The following IFNAR2 variants were observed in gnomAD, a reference collection of about 807,000 sequenced individuals.
The protein encoded by IFNAR2 is interferon alpha and beta receptor subunit 2, also known as interferon alpha/beta receptor 2.
In IFNAR2, 30 loss-of-function variants were observed where a neutral mutation model predicts 49.4. The observed-to-expected ratio is 0.61, with a 90% CI of 0.45 to 0.82. IFNAR2 has a LOEUF of 0.82. Ranked by LOEUF, IFNAR2 falls within the 40% of genes least tolerant of loss-of-function variation. The probability of loss-of-function intolerance (pLI) is 0.00; values close to 1 mark genes in which losing one functional copy is unlikely to be tolerated. For synonymous variants in IFNAR2, 224 were observed against 234.5 expected (o/e 0.96, Z 0.41); for missense variants, 600 against 622.7 (o/e 0.96, Z 0.39).
intron 8 of IFNAR2, chr21:33,262,461 T>C (rs1988668222): frequency 1.6e-6 from 1 of 624,362 alleles, no homozygotes; most frequent in Non-Finnish European, 2.9e-6. Context: ...ATGCCCAGCA[T>C]ATAGTAAGCA....
chr21:33,236,819 TAGG>T, intron 1 of IFNAR2: 2 of 984,172 alleles, frequency 2.0e-6, no homozygotes, highest in Non-Finnish European at 2.4e-6. Context: ...AAGCCAAGTG[TAGG>T]ATCCTTCTAG....
chr21:33,231,701 C>G (rs1307890362), intron 1 of IFNAR2: 2 of 983,972 alleles, frequency 2.0e-6, no homozygotes, highest in Non-Finnish European at 2.4e-6. Flanking sequence ...TATGTATCAT[C>G]TTCCGTTATC....
At chr21:33,236,745 A>T in intron 1 of IFNAR2, 2 of 985,182 alleles carry the variant, frequency 2.0e-6, no homozygotes, top group African/African-American at 3.5e-5. Context: ...TGGGGCTCCT[A>T]GCACAAAACT....
At chr21:33,233,508 A>G (rs1986212672) in intron 1 of IFNAR2, among the ~76,000 whole-genome samples, 1 of 152,224 alleles carries the variant, frequency 6.6e-6, no homozygotes, top group African/African-American at 2.4e-5. Context: ...ATTTAAATTC[A>G]AAGAAAAAGA....
At position 33,263,260 on chromosome 21, in the gene IFNAR2, T is replaced by C; in HGVS notation, c.1308T>C (p.Asp436=). The change falls in exon 9 of 9, where the codon GAT becomes GAC. Residue 436 remains aspartate, a synonymous_variant. Transcript: ENST00000342136. ...ACTCTGTGTTTTTGAGAGTTCTTGA[T>C]GACGAGGACAGTGACGACTTAGAAG... The part of the protein sequence containing the change: ...DLNSVFLRVL[D]DEDSDDLEAP... The C allele has an allele frequency of 6.2e-7, 1 of 1,614,212 alleles. No homozygotes were observed. The highest frequency in any genetic ancestry group is 8.5e-7 in the Non-Finnish European group (1 of 1,180,034).
intron 7 of IFNAR2, among the ~76,000 whole-genome samples, chr21:33,255,147 C>T (rs915312819): frequency 3.3e-5 from 5 of 152,216 alleles, no homozygotes; most frequent in African/African-American, 1.2e-4. Context: ...TACAGGCAAA[C>T]TTAAAACTGC....
chr21:33,253,782 G>A (rs1255727401), intron 7 of IFNAR2, among the ~76,000 whole-genome samples: 1 of 152,170 alleles, frequency 6.6e-6, no homozygotes, highest in African/African-American at 2.4e-5. Flanking sequence ...TCCTCACATT[G>A]CCATGGCATT....
At chr21:33,262,195 T>G (rs1988620359) in intron 8 of IFNAR2, among the ~76,000 whole-genome samples, 1 of 151,926 alleles carries the variant, frequency 6.6e-6, no homozygotes, top group Admixed American at 6.6e-5. Flanking sequence ...TGAAACCCCT[T>G]CTCTACTAAA....
intron 6 of IFNAR2, chr21:33,251,669 A>G (rs905211537): frequency 2.0e-6 from 2 of 985,094 alleles, no homozygotes; most frequent in Admixed American, 6.1e-5. Flanking sequence ...AACTGCTAGT[A>G]AGAATGTATT....
At chr21:33,248,288 C>T (rs1341420563) in intron 5 of IFNAR2, among the ~76,000 whole-genome samples, 1 of 145,004 alleles carries the variant, frequency 6.9e-6, no homozygotes, top group Non-Finnish European at 1.5e-5. Context: ...CAGTGTATCA[C>T]TTGAGCTCAG....
At chr21:33,239,054 G>A (rs1397973924) in intron 1 of IFNAR2, among the ~76,000 whole-genome samples, 2 of 152,200 alleles carry the variant, frequency 1.3e-5, no homozygotes, top group Non-Finnish European at 2.9e-5. Context: ...AGGTGGTTAT[G>A]TAAATTGGTA....
Position 33,260,616 on chromosome 21 carries a change from A to C in IFNAR2, c.729A>C (p.Lys243Asn), listed in dbSNP as rs1988499752. 1.9e-6 allele frequency: 3 copies of C among 1,583,892 alleles called. No homozygotes were observed. The East Asian group carries it at 6.8e-5, about 36-fold the overall frequency. Residue 243 changes from lysine to asparagine, a missense_variant, in exon 8 of 9, where the codon AAA becomes AAC. Coordinates refer to ENST00000342136, the MANE Select transcript of IFNAR2 (RefSeq NM_001289125.3). ...CAACAGAATCAGCAGAATCTGCCAA[A>C]ATAGGAGGAATAATTACTGTGTTTT... The part of the protein sequence containing the change: ...GQESESAESA[K>N]IGGIITVFLI...
At chr21:33,242,761 GTGTGTGTGTGT>G (rs1987060422) in intron 2 of IFNAR2, among the ~76,000 whole-genome samples, 1 of 710 alleles carries the variant, frequency 1.4e-3, no homozygotes, top group Non-Finnish European at 3.3e-3. Context: ...TCGTGTGCGT[GTGTGTGTGTGT>G]GTGTGTGTGT....
At chr21:33,245,168 C>T in intron 4 of IFNAR2, 94 bp downstream of exon 4, 3 of 948,412 alleles carry the variant, frequency 3.2e-6, no homozygotes, top group Admixed American at 2.0e-5. Flanking sequence ...CTCTCCCTCT[C>T]CCTTTTCCTA....
chr21:33,262,492 A>G (rs149403683), intron 8 of IFNAR2: 7 of 666,334 alleles, frequency 1.1e-5, no homozygotes, highest in South Asian at 3.3e-5. Context: ...GTTAGCTGTT[A>G]TTATTGCTGT....
At chr21:33,246,678 A>G (rs762347011) in intron 4 of IFNAR2, 40 bp from the exon 5 acceptor site, 3 of 1,557,772 alleles carry the variant, frequency 1.9e-6, no homozygotes, top group South Asian at 1.2e-5. Context: ...CATTACATCA[A>G]TGCTAACAAT....
At chr21:33,239,650 G>A (rs568365641) in intron 1 of IFNAR2, among the ~76,000 whole-genome samples, 6 of 149,456 alleles carry the variant, frequency 4.0e-5, no homozygotes, top group Non-Finnish European at 8.9e-5. Context: ...GTGAGCTACA[G>A]CTCTCAATGT....
Position 33,265,438 on chromosome 21 carries a change from C to T in IFNAR2, c.*1938C>T, listed in dbSNP as rs1988895198. On this transcript the variant is annotated 3_prime_UTR_variant, in exon 9 of 9. Coordinates refer to ENST00000342136, the MANE Select transcript of IFNAR2 (RefSeq NM_001289125.3). Reference sequence around the variant, plus strand: ...TAAGGATGAGGCTGTGAGGAGGGAACACCTTATTTAATCTAATGAAATTCC... The same window carrying T: ...TAAGGATGAGGCTGTGAGGAGGGAATACCTTATTTAATCTAATGAAATTCC... 1.3e-5 allele frequency: 2 copies of T among 153,756 alleles called. No individual in the cohort carries two copies. Among genetic ancestry groups the T allele is most frequent in the Non-Finnish European group, 2.9e-5 (2 of 68,820 alleles). 9.5% of individuals were successfully genotyped at this position (153,756 alleles called of 1,614,324 possible).
In IFNAR2 at chr21:33,248,880, A is replaced by T. The variant is rs771428020; in HGVS notation, c.540+26A>T. ...GTAAGTGGCTTCTCCTGTTAGGATC[A>T]AAACAGTTCTGAGTGGGCAATCAAT... On this transcript the variant is annotated intron_variant, in intron 6 of 8. Transcript: ENST00000342136. The T allele has an allele frequency of 2.5e-5, 38 of 1,540,242 alleles. No individual in the cohort carries two copies. In the East Asian group the frequency reaches 8.4e-4, roughly 34 times the overall value.
Sources: allele counts gnomAD v4.1 joint callset (sites outside exome capture counted in the v4.1 genomes callset), GRCh38; gene constraint gnomAD v4.1.1; transcripts MANE v1.5; gene names NCBI Gene and HGNC (gene_info 2026-07-23, HGNC 2026-07-21).